The following ANAPC10 variants were observed in gnomAD, a reference collection of about 807,000 sequenced individuals.
ANAPC10 encodes anaphase promoting complex subunit 10, also known as anaphase-promoting complex subunit 10.
In ANAPC10, 12 loss-of-function variants were observed where a neutral mutation model predicts 22.0. The ratio of observed to expected loss-of-function variants is 0.55; its 90% CI spans 0.35 to 0.88. The LOEUF (loss-of-function observed/expected upper bound fraction) is 0.88, where lower values mean the gene tolerates loss of function less well. Ranked by LOEUF, ANAPC10 falls within the 40% of genes least tolerant of loss-of-function variation. ANAPC10 has a pLI of 0.01. For synonymous variants in ANAPC10, 65 were observed against 69.5 expected, an observed-to-expected ratio of 0.94 and a Z score of 0.32; for missense variants, 188 against 220.9, an observed-to-expected ratio of 0.85 and a Z score of 0.94.
intron 4 of ANAPC10, among the ~76,000 whole-genome samples, chr4:145,034,598 T>A: frequency 6.8e-6 from 1 of 147,596 alleles, no homozygotes; most frequent in South Asian, 2.1e-4. Flanking sequence ...ATACATATCC[T>A]ATATATATTA....
At chr4:145,017,456 A>G (rs995784345) in intron 4 of ANAPC10, among the ~76,000 whole-genome samples, 24 of 152,344 alleles carry the variant, frequency 1.6e-4, no homozygotes, top group Middle Eastern at 3.4e-3. Flanking sequence ...CGATCATTAA[A>G]AAGTCAGGAA....
At chr4:145,051,226 A>T (rs2126309838) in intron 4 of ANAPC10, among the ~76,000 whole-genome samples, 1 of 137,210 alleles carries the variant, frequency 7.3e-6, no homozygotes. Context: ...GAACAGGAAA[A>T]CACAATTAGA....
chr4:145,063,121 G>A (rs1743154413), intron 4 of ANAPC10, among the ~76,000 whole-genome samples: 1 of 152,098 alleles, frequency 6.6e-6, no homozygotes, highest in African/African-American at 2.4e-5. Context: ...AATAAACAAT[G>A]TGTTATATTC....
At chr4:145,053,842 G>A in intron 4 of ANAPC10, 1 of 549,514 alleles carries the variant, frequency 1.8e-6, no homozygotes, top group East Asian at 3.1e-5. Context: ...TTTAAATTAT[G>A]ATAAAATGCT....
chr4:145,018,383 C>G (rs371419028), intron 4 of ANAPC10, among the ~76,000 whole-genome samples: 15 of 152,042 alleles, frequency 9.9e-5, no homozygotes, highest in African/African-American at 3.1e-4. Flanking sequence ...CCTATAATCC[C>G]AAGGCTTTGG....
intron 4 of ANAPC10, among the ~76,000 whole-genome samples, chr4:145,050,528 A>T (rs1408993890): frequency 3.3e-5 from 5 of 152,168 alleles, no homozygotes; most frequent in Non-Finnish European, 7.3e-5. Flanking sequence ...CCAGGCATTG[A>T]CTTCTCCTCT....
intron 4 of ANAPC10, among the ~76,000 whole-genome samples, chr4:145,059,379 T>C (rs1742541501): frequency 1.3e-5 from 2 of 152,090 alleles, no homozygotes; most frequent in Admixed American, 6.6e-5. Flanking sequence ...TGGGAAAACA[T>C]TACAGCTCTC....
chr4:145,047,377 C>T (rs1740460091), intron 4 of ANAPC10, among the ~76,000 whole-genome samples: 1 of 152,058 alleles, frequency 6.6e-6, no homozygotes, highest in Non-Finnish European at 1.5e-5. Flanking sequence ...GAGAACTCTG[C>T]GTTCAATGGC....
intron 2 of ANAPC10, among the ~76,000 whole-genome samples, chr4:145,094,419 G>A (rs1176562288): frequency 1.3e-5 from 2 of 152,158 alleles, no homozygotes; most frequent in Non-Finnish European, 2.9e-5. Flanking sequence ...TTATATGACT[G>A]TACATGTCTG....
chr4:145,036,026 T>C (rs1358329647), intron 4 of ANAPC10, among the ~76,000 whole-genome samples: 3 of 152,180 alleles, frequency 2.0e-5, no homozygotes, highest in Non-Finnish European at 2.9e-5. Context: ...TTTAGACATA[T>C]GTTGGTAACC....
chr4:145,000,361 A>G (rs1732333275), intron 4 of ANAPC10, among the ~76,000 whole-genome samples: 1 of 151,458 alleles, frequency 6.6e-6, no homozygotes, highest in African/African-American at 2.4e-5. Context: ...AATTTACAAG[A>G]AAAAAAAACC....
intron 4 of ANAPC10, among the ~76,000 whole-genome samples, chr4:145,046,040 C>G (rs185977074): frequency 6.6e-6 from 1 of 152,122 alleles, no homozygotes; most frequent in East Asian, 1.9e-4. Flanking sequence ...GCCCTAAAAG[C>G]AAATGCCCTG....
chr4:145,065,465 T>G (rs1438672521), intron 3 of ANAPC10, among the ~76,000 whole-genome samples: 1 of 152,038 alleles, frequency 6.6e-6, no homozygotes, highest in Non-Finnish European at 1.5e-5. Flanking sequence ...CACCAGTTAG[T>G]AGAAACACAA....
intron 4 of ANAPC10, among the ~76,000 whole-genome samples, chr4:145,052,219 T>C (rs1193313684): frequency 2.0e-5 from 3 of 152,142 alleles, no homozygotes; most frequent in Non-Finnish European, 2.9e-5. Context: ...TTAATAATAA[T>C]ATATTGTATA....
intron 2 of ANAPC10, among the ~76,000 whole-genome samples, chr4:145,083,202 C>A (rs941049683): frequency 1.3e-5 from 2 of 152,002 alleles, no homozygotes; most frequent in African/African-American, 4.8e-5. Flanking sequence ...ATGTGCCAGG[C>A]GCATTCTAAA....
intron 2 of ANAPC10, among the ~76,000 whole-genome samples, chr4:145,093,551 C>T (rs1423964897): frequency 6.7e-6 from 1 of 149,526 alleles, no homozygotes; most frequent in Non-Finnish European, 1.5e-5. Flanking sequence ...ATAACTATAA[C>T]TATGAGTAAG....
At chr4:145,012,631 T>C (rs190110917) in intron 4 of ANAPC10, among the ~76,000 whole-genome samples, 13 of 152,282 alleles carry the variant, frequency 8.5e-5, no homozygotes, top group Admixed American at 2.6e-4. Flanking sequence ...AAAATCTGAA[T>C]AGAATGACAT....
chr4:145,081,751 C>T lies in ANAPC10; in HGVS notation c.116-1G>A. ...TCTCGTAACTGATCCACTCCAAATC[C>T]TAAAAACACCAAAAGTGTCAATAAA... On this transcript the variant is annotated splice_acceptor_variant, in intron 2 of 4. Transcript: ENST00000507656. LOFTEE classifies it high-confidence loss of function. 1 of 1,605,468 alleles carries T rather than the reference C, an allele frequency of 6.2e-7. No individual in the cohort carries two copies. Among genetic ancestry groups the T allele is most frequent in the Admixed American group, 1.7e-5 (1 of 59,484 alleles).
intron 4 of ANAPC10, among the ~76,000 whole-genome samples, chr4:145,057,864 G>C (rs922612943): frequency 7.2e-5 from 11 of 152,058 alleles, no homozygotes; most frequent in African/African-American, 2.7e-4. Context: ...ATATACCCCA[G>C]GTAGCAATCA....
Sources: gnomAD v4.1 joint callset for allele counts (sites outside exome capture counted in the v4.1 genomes callset) on GRCh38, gnomAD v4.1.1 for gene constraint, MANE v1.5 for transcripts, NCBI Gene and HGNC (gene_info 2026-07-23, HGNC 2026-07-21) for gene names.